Variants in NHSL2 observed in about 807,000 individuals in gnomAD.
The protein encoded by NHSL2 is NHS-like protein 2.
NHSL2 carries 27 observed loss-of-function variants against 53.4 expected under a neutral mutation model. The observed-to-expected ratio is 0.51, with a 90% CI of 0.37 to 0.70. NHSL2 has a LOEUF of 0.70. Among genes scored for constraint, NHSL2 ranks in the 30% least tolerant of loss-of-function variants. NHSL2 has a pLI of 0.00. For synonymous variants in NHSL2, 408 were observed against 404.1 expected (o/e 1.01, Z -0.12); for missense variants, 892 against 980.1 (o/e 0.91, Z 1.20).
chrX:72,111,550 C>A (rs1234180640), intron 1 of NHSL2, among the ~76,000 whole-genome samples: 2 of 112,172 alleles, frequency 1.8e-5, no homozygotes, highest in Non-Finnish European at 3.8e-5. Context: ...TGAGTCTTAG[C>A]TCAGTGAAGA....
chrX:72,048,353 G>A lies in NHSL2; in HGVS notation c.281-83726G>A, dbSNP rs905947436. 1.4e-4 allele frequency among the ~76,000 whole-genome samples: 16 copies of A among 111,141 alleles called. 1 individual carries two copies. The highest frequency in any genetic ancestry group is 2.6e-4 in the Non-Finnish European group (14 of 53,019). On this transcript the variant is annotated intron_variant, in intron 1 of 7. Coordinates refer to ENST00000633930, the MANE Select transcript of NHSL2 (RefSeq NM_001013627.3). The stretch of plus-strand genomic sequence containing the variant: ...TAGGAAGGAATGGGAGCCAGAGTGC[G>A]TGTGGGTAGGGGTAGCCTTTAGAAA...
In NHSL2 at chrX:72,152,795, A is replaced by AGGGAAACCAGGCTT. The variant is rs2042526091; in HGVS notation, c.*9223_*9236dup. The AGGGAAACCAGGCTT allele has an allele frequency of 8.9e-6, 1 of 112,796 alleles. No homozygotes were observed. The highest frequency in any genetic ancestry group is 1.9e-5 in the Non-Finnish European group (1 of 53,372). The allele number at this position is 112,796 out of a possible 1,213,427, so 9.3% of individuals were successfully genotyped here. ...CTGTTTAGGATTTCCAGAATTAGGA[A>AGGGAAACCAGGCTT]GGGAAACCAGGCTTGTGCCTTGGAT... On this transcript the variant is annotated 3_prime_UTR_variant, in exon 8 of 8. Coordinates refer to ENST00000633930, the MANE Select transcript of NHSL2 (RefSeq NM_001013627.3).
At chrX:72,031,872 T>C (rs752745311) in intron 1 of NHSL2, among the ~76,000 whole-genome samples, 74 of 111,997 alleles carry the variant, frequency 6.6e-4, no homozygotes, top group African/African-American at 2.4e-3. Context: ...ACAAGGTGGA[T>C]CTGGTGACCC....
chrX:72,077,577 C>T (rs766762627), intron 1 of NHSL2, among the ~76,000 whole-genome samples: 2 of 112,034 alleles, frequency 1.8e-5, no homozygotes, highest in South Asian at 7.4e-4. Context: ...GCCCAAAGAA[C>T]GCCCAAACCT....
In NHSL2 at chrX:72,140,690, A is replaced by C. The variant is rs1441524399; in HGVS notation, c.3142A>C (p.Thr1048Pro). The change falls in exon 6 of 8, where the codon ACC becomes CCC. Residue 1048 changes from threonine to proline, a missense_variant. Thr to Pro is a conservative substitution (Grantham distance 38). Coordinates refer to ENST00000633930, the MANE Select transcript of NHSL2 (RefSeq NM_001013627.3). Reference protein sequence around the residue: ...TLEEDTKCPATGDDLQSLGQR... With the variant: ...TLEEDTKCPAPGDDLQSLGQR... ...GGAGGAAGACACCAAGTGTCCCGCC[A>C]CCGGCGATGACCTGCAATCACTTGG... 2 of 1,209,035 alleles carry C rather than the reference A, an allele frequency of 1.7e-6. No homozygotes were observed. The highest frequency in any genetic ancestry group is 2.2e-6 in the Non-Finnish European group (2 of 893,475).
At chrX:72,084,913 A>C (rs367777717) in intron 1 of NHSL2, among the ~76,000 whole-genome samples, 3 of 112,051 alleles carry the variant, frequency 2.7e-5, no homozygotes, top group East Asian at 2.8e-4. Flanking sequence ...TTACAGAGGC[A>C]AACAAGTCAC....
intron 1 of NHSL2, among the ~76,000 whole-genome samples, chrX:72,000,268 G>A (rs1296214189): frequency 2.7e-5 from 3 of 111,256 alleles, no homozygotes; most frequent in African/African-American, 9.8e-5. Context: ...CATCATTACA[G>A]GTGCTCTTTA....
chrX:71,965,989 C>T (rs185768001), intron 1 of NHSL2: 49 of 112,734 alleles, frequency 4.3e-4, no homozygotes, highest in African/African-American at 1.4e-3. Flanking sequence ...TGGAATGCTT[C>T]GCAAATTTGC....
intron 1 of NHSL2, among the ~76,000 whole-genome samples, chrX:72,027,235 G>C (rs924277934): frequency 8.9e-6 from 1 of 112,075 alleles, no homozygotes; most frequent in African/African-American, 3.2e-5. Context: ...TGAGTCAGCT[G>C]CTCTGAAGGA....
At chrX:72,115,947 G>A (rs1033464363) in intron 1 of NHSL2, among the ~76,000 whole-genome samples, 1 of 111,162 alleles carries the variant, frequency 9.0e-6, no homozygotes, top group Non-Finnish European at 1.9e-5. Context: ...CAGTTTGAAT[G>A]TCTAGGAGTG....
At chrX:72,077,678 A>G (rs1300391048) in intron 1 of NHSL2, among the ~76,000 whole-genome samples, 1 of 112,401 alleles carries the variant, frequency 8.9e-6, no homozygotes, top group Non-Finnish European at 1.9e-5. Context: ...GCCATGTGCA[A>G]TGTGCAATGG....
At chrX:72,078,786 T>A (rs1044051839) in intron 1 of NHSL2, among the ~76,000 whole-genome samples, 3 of 112,543 alleles carry the variant, frequency 2.7e-5, no homozygotes, top group African/African-American at 9.7e-5. Flanking sequence ...TCTCCTTGTC[T>A]GGGGATTTCA....
chrX:72,133,824 A>G (rs1235809422), intron 2 of NHSL2: 2 of 275,059 alleles, frequency 7.3e-6, no homozygotes, highest in Non-Finnish European at 1.3e-5. Flanking sequence ...TGAGCACTCA[A>G]GGTGGGGATC....
At chrX:71,918,964 G>A (rs1276310461) in intron 1 of NHSL2, among the ~76,000 whole-genome samples, 4 of 111,666 alleles carry the variant, frequency 3.6e-5, no homozygotes, top group Non-Finnish European at 7.5e-5. Flanking sequence ...AAAAACCAAA[G>A]ATAAAATTTA....
rs201663104 is a variant in NHSL2, at chrX:71,918,360, A to AT, written c.280+7009dup. The stretch of plus-strand genomic sequence containing the variant: ...GTAATTCATCAAGGGGAAAATCAGA[A>AT]TTTTTTTTTTTTTTTTAAAATGGAC... On this transcript the variant is annotated intron_variant, in intron 1 of 7. Transcript: ENST00000633930. Among the ~76,000 whole-genome samples, 678 of 97,620 alleles carry AT rather than the reference A, an allele frequency of 6.9e-3. 4 individuals are homozygous for AT. The highest frequency in any genetic ancestry group is 0.026 in the Middle Eastern group (5 of 191). 84.8% of individuals were successfully genotyped at this position (97,620 alleles called of 115,157 possible). A position where few individuals can be genotyped will look rare whatever the true frequency, so the allele number is the denominator to read the frequency against.
chrX:72,122,278 A>G (rs901991205), intron 1 of NHSL2, among the ~76,000 whole-genome samples: 1 of 112,074 alleles, frequency 8.9e-6, no homozygotes, highest in African/African-American at 3.3e-5. Flanking sequence ...AACTTTGCCT[A>G]TCTTACTGGA....
rs186202674 is a variant in NHSL2 at position 72,074,628 on chromosome X, G to A, written c.281-57451G>A. Among the ~76,000 whole-genome samples, 3 of 112,386 alleles carry A rather than the reference G, an allele frequency of 2.7e-5. No individual in the cohort carries two copies. The East Asian group carries it at 8.4e-4, about 32-fold the overall frequency. On this transcript the variant is annotated intron_variant, in intron 1 of 7. Transcript: ENST00000633930. The stretch of plus-strand genomic sequence containing the variant: ...TAGGTGTAAAAAGAAAGGTACAATG[G>A]CCACCCTAATGTCAAATACAAGGGG...
At chrX:72,086,388 G>C (rs1459773393) in intron 1 of NHSL2, among the ~76,000 whole-genome samples, 1 of 112,140 alleles carries the variant, frequency 8.9e-6, no homozygotes, top group Non-Finnish European at 1.9e-5. Flanking sequence ...TCTGCTGTAA[G>C]GGTTAGCAAG....
intron 1 of NHSL2, among the ~76,000 whole-genome samples, chrX:71,943,870 C>T (rs764280538): frequency 1.8e-3 from 203 of 111,843 alleles, no homozygotes; most frequent in Non-Finnish European, 3.3e-3. Flanking sequence ...CTCTGCCATC[C>T]GTAGTGAATT....
Sources: gnomAD v4.1 joint callset for allele counts (sites outside exome capture counted in the v4.1 genomes callset) on GRCh38, gnomAD v4.1.1 for gene constraint, MANE v1.5 for transcripts, NCBI Gene and HGNC (gene_info 2026-07-23, HGNC 2026-07-21) for gene names.